CNBD1: variants seen among roughly 807,000 people sequenced by gnomAD.
The protein encoded by CNBD1 is cyclic nucleotide-binding domain-containing protein 1.
CNBD1 carries 71 observed loss-of-function variants against 54.4 expected under a neutral mutation model. The observed-to-expected ratio is 1.30, with a 90% CI of 1.08 to 1.59. The LOEUF (loss-of-function observed/expected upper bound fraction) is 1.59, where lower values mean the gene tolerates loss of function less well. Ranked by LOEUF, CNBD1 falls within the 40% of genes most tolerant of loss-of-function variation. The pLI is 0.00. For missense variants in CNBD1, 659 were observed against 518.0 expected, an observed-to-expected ratio of 1.27 and a Z score of -2.64; for synonymous variants, 182 against 170.7, an observed-to-expected ratio of 1.07 and a Z score of -0.51.
At chr8:87,047,011 C>T (rs1036204824) in intron 4 of CNBD1, among the ~76,000 whole-genome samples, 14 of 152,160 alleles carry the variant, frequency 9.2e-5, no homozygotes, top group African/African-American at 2.9e-4. Context: ...TTTAGAATCA[C>T]AGTTAGGAGG....
intron 3 of CNBD1, among the ~76,000 whole-genome samples, chr8:86,937,543 T>C (rs1004300430): frequency 5.3e-5 from 8 of 152,172 alleles, no homozygotes; most frequent in African/African-American, 1.4e-4. Context: ...CTCTGAAATC[T>C]AGGCAGAGGT....
At chr8:86,910,886 G>GT (rs1809090412) in intron 3 of CNBD1, among the ~76,000 whole-genome samples, 1 of 152,188 alleles carries the variant, frequency 6.6e-6, no homozygotes, top group Non-Finnish European at 1.5e-5. Context: ...AGTGCAGGAG[G>GT]TTTTATAGAT....
chr8:87,332,162 A>T (rs113455605), intron 8 of CNBD1, among the ~76,000 whole-genome samples: 2,646 of 152,232 alleles, frequency 0.017, 77 homozygotes, highest in African/African-American at 0.058. Flanking sequence ...AGCCTGGCCA[A>T]CATGGGGAAA....
chr8:87,077,686 C>T (rs569900164), intron 4 of CNBD1, among the ~76,000 whole-genome samples: 27 of 151,624 alleles, frequency 1.8e-4, no homozygotes, highest in South Asian at 8.3e-4. Context: ...TCTGTCATAG[C>T]GAGAGTTTGC....
chr8:87,264,761 A>AT (rs980830810), intron 6 of CNBD1, among the ~76,000 whole-genome samples: 28 of 152,082 alleles, frequency 1.8e-4, no homozygotes, highest in African/African-American at 5.8e-4. Context: ...GATGATGAGC[A>AT]TTTTTTTCCT....
chr8:87,084,006 G>GTCA (rs1343442126), intron 4 of CNBD1, among the ~76,000 whole-genome samples: 1 of 152,156 alleles, frequency 6.6e-6, no homozygotes, highest in African/African-American at 2.4e-5. Flanking sequence ...TGAGGGCTAT[G>GTCA]TCATGGCCCA....
chr8:87,383,356 G>A (rs1029731707), downstream of CNBD1, among the ~76,000 whole-genome samples: 1 of 152,032 alleles, frequency 6.6e-6, no homozygotes, highest in African/African-American at 2.4e-5. Context: ...TCCTTAGTAA[G>A]GGGGAAAACC....
chr8:87,262,968 G>A (rs1808173025), intron 6 of CNBD1, among the ~76,000 whole-genome samples: 1 of 152,130 alleles, frequency 6.6e-6, no homozygotes, highest in Non-Finnish European at 1.5e-5. Flanking sequence ...GCTATGAATA[G>A]AGTGACTAAA....
intron 10 of CNBD1, among the ~76,000 whole-genome samples, chr8:87,372,075 A>G (rs1224932651): frequency 1.3e-5 from 2 of 152,036 alleles, no homozygotes; most frequent in Non-Finnish European, 2.9e-5. Flanking sequence ...ACATGATTGT[A>G]TATCCAGAAA....
intron 1 of CNBD1, among the ~76,000 whole-genome samples, chr8:86,886,291 C>T (rs924353436): frequency 6.6e-6 from 1 of 152,140 alleles, no homozygotes; most frequent in Non-Finnish European, 1.5e-5. Flanking sequence ...TGTAAGCTGA[C>T]AGCTTGGTTC....
At chr8:87,266,703 C>T (rs986432948) in intron 6 of CNBD1, among the ~76,000 whole-genome samples, 8 of 151,836 alleles carry the variant, frequency 5.3e-5, no homozygotes, top group Non-Finnish European at 4.4e-5. Flanking sequence ...CTGCCTACCT[C>T]GGTCTCCCAA....
intron 6 of CNBD1, among the ~76,000 whole-genome samples, chr8:87,257,475 G>A (rs1049717003): frequency 6.6e-6 from 1 of 151,696 alleles, no homozygotes; most frequent in African/African-American, 2.4e-5. Context: ...TGTCTTCCTG[G>A]GAATATGGAA....
chr8:87,326,176 G>C (rs1462710695), intron 8 of CNBD1, among the ~76,000 whole-genome samples: 2 of 128,030 alleles, frequency 1.6e-5, no homozygotes, highest in Non-Finnish European at 3.5e-5. Flanking sequence ...GAGATCCGCT[G>C]TTAGTCTGAT....
At chr8:87,391,498 C>T (rs973579926) in intron 2 of CNBD1, among the ~76,000 whole-genome samples, 3 of 152,078 alleles carry the variant, frequency 2.0e-5, no homozygotes, top group Non-Finnish European at 4.4e-5. Context: ...AAAGAGTAGA[C>T]ATGTGTAACA....
At chr8:87,068,813 T>C (rs1810705582) in intron 4 of CNBD1, among the ~76,000 whole-genome samples, 1 of 151,980 alleles carries the variant, frequency 6.6e-6, no homozygotes, top group Admixed American at 6.6e-5. Context: ...TCCTAAAGCC[T>C]CTCTCAGCCA....
At chr8:87,106,727 C>A (rs1235751210) in intron 4 of CNBD1, among the ~76,000 whole-genome samples, 1 of 152,196 alleles carries the variant, frequency 6.6e-6, no homozygotes, top group Non-Finnish European at 1.5e-5. Flanking sequence ...CCCAACCTCA[C>A]TGGATGTTCT....
intron 4 of CNBD1, among the ~76,000 whole-genome samples, chr8:87,164,964 A>C (rs1330344455): frequency 6.6e-6 from 1 of 150,648 alleles, no homozygotes; most frequent in Non-Finnish European, 1.5e-5. Flanking sequence ...TATAAGTTTG[A>C]TATTTTGTGT....
intron 8 of CNBD1, among the ~76,000 whole-genome samples, chr8:87,296,684 A>G (rs1246349359): frequency 6.6e-6 from 1 of 151,696 alleles, no homozygotes; most frequent in African/African-American, 2.4e-5. Context: ...GTGACCAATG[A>G]CCACTGAATT....
intron 4 of CNBD1, among the ~76,000 whole-genome samples, chr8:86,949,069 GATTT>G (rs1318769668): frequency 3.3e-5 from 5 of 151,964 alleles, no homozygotes; most frequent in Admixed American, 1.3e-4. Context: ...TATATATATG[GATTT>G]ATTTGTGGGT....
Sources: allele counts gnomAD v4.1 joint callset (sites outside exome capture counted in the v4.1 genomes callset), GRCh38; gene constraint gnomAD v4.1.1; transcripts MANE v1.5; gene names NCBI Gene and HGNC (gene_info 2026-07-23, HGNC 2026-07-21).